CCDC102B: variants seen among roughly 807,000 people sequenced by gnomAD.
CCDC102B encodes coiled-coil domain containing 102B.
A neutral mutation model predicts 57.4 loss-of-function variants in CCDC102B; 75 were observed. The observed-to-expected ratio is 1.31, with a 90% CI of 1.08 to 1.58. CCDC102B has a LOEUF of 1.58. CCDC102B is among the 40% of genes most tolerant of loss of function. CCDC102B has a pLI of 0.00. For synonymous variants in CCDC102B, 206 were observed against 201.9 expected, an observed-to-expected ratio of 1.02 and a Z score of -0.17; for missense variants, 636 against 582.6, an observed-to-expected ratio of 1.09 and a Z score of -0.94.
At chr18:68,808,652 G>C (rs2036129066) in intron 1 of CCDC102B, among the ~76,000 whole-genome samples, 1 of 151,672 alleles carries the variant, frequency 6.6e-6, no homozygotes, top group Non-Finnish European at 1.5e-5. Flanking sequence ...TAATTTTTTT[G>C]TATTTTTAGT....
chr18:68,922,278 G>A (rs2041309176), intron 6 of CCDC102B, among the ~76,000 whole-genome samples: 1 of 152,110 alleles, frequency 6.6e-6, no homozygotes, highest in African/African-American at 2.4e-5. Flanking sequence ...TGTAGATTAT[G>A]GGTTGTTAAT....
intron 1 of CCDC102B, among the ~76,000 whole-genome samples, chr18:68,816,593 G>A (rs1227663735): frequency 1.3e-5 from 2 of 151,318 alleles, no homozygotes; most frequent in Non-Finnish European, 2.9e-5. Context: ...AGCCTCCTGA[G>A]TAGCTGGGAC....
chr18:68,775,065 G>T, intron 2 of CCDC102B, among the ~76,000 whole-genome samples: 1 of 148,982 alleles, frequency 6.7e-6, no homozygotes, highest in South Asian at 2.1e-4. Context: ...TTGTATTCTA[G>T]ACATCACTTT....
intron 1 of CCDC102B, among the ~76,000 whole-genome samples, chr18:68,827,567 CAAA>C (rs1420427544): frequency 6.6e-6 from 1 of 151,698 alleles, no homozygotes. Context: ...AGCAAGAAAG[CAAA>C]AGAAGAAATG....
At chr18:68,888,064 A>G (rs1719226266) in intron 5 of CCDC102B, among the ~76,000 whole-genome samples, 1 of 151,830 alleles carries the variant, frequency 6.6e-6, no homozygotes. Context: ...TTGAAATAGT[A>G]TACTTACAAC....
intron 4 of CCDC102B, chr18:68,866,728 C>T: frequency 1.8e-6 from 1 of 562,674 alleles, no homozygotes; most frequent in Non-Finnish European, 3.5e-6. Flanking sequence ...GTCCATTTGC[C>T]ACCGTGGGTC....
chr18:68,816,121 A>G (rs1018097184), intron 1 of CCDC102B, among the ~76,000 whole-genome samples: 10 of 152,214 alleles, frequency 6.6e-5, no homozygotes, highest in African/African-American at 2.2e-4. Context: ...GATTCTTGTG[A>G]TAATACCCTC....
At chr18:68,761,976 T>C (rs961792717) in intron 2 of CCDC102B, among the ~76,000 whole-genome samples, 3 of 152,162 alleles carry the variant, frequency 2.0e-5, no homozygotes, top group Non-Finnish European at 4.4e-5. Flanking sequence ...TTGTAAGTAA[T>C]TCCGGTCTGT....
intron 2 of CCDC102B, among the ~76,000 whole-genome samples, chr18:68,748,205 G>GGTATGTGTGT (rs530957083): frequency 0.023 from 3,141 of 137,528 alleles, 152 homozygotes; most frequent in South Asian, 0.057. Context: ...TTATTAAACT[G>GGTATGTGTGT]GTGTGTGTGT....
chr18:68,876,815 T>G (rs1239259411), intron 5 of CCDC102B, among the ~76,000 whole-genome samples: 1 of 152,000 alleles, frequency 6.6e-6, no homozygotes, highest in African/African-American at 2.4e-5. Flanking sequence ...TGGAGAAAAA[T>G]AACAGTCTGG....
chr18:68,957,065 C>G (rs2049920285), intron 6 of CCDC102B, among the ~76,000 whole-genome samples: 1 of 151,874 alleles, frequency 6.6e-6, no homozygotes, highest in African/African-American at 2.4e-5. Flanking sequence ...AATATTTTCT[C>G]TTATTCTCTA....
chr18:68,820,654 C>G lies in CCDC102B; in HGVS notation c.-15-16095C>G, dbSNP rs1414576275. ...TCTTTTTGAATTCTTCATAAATAAT[C>G]TTTGCTAGATTATTTTCTTTTAAAT... On this transcript the variant is annotated intron_variant, in intron 1 of 7. Coordinates refer to ENST00000360242, the MANE Select transcript of CCDC102B (RefSeq NM_024781.3). 2.0e-5 allele frequency among the ~76,000 whole-genome samples: 3 copies of G among 152,144 alleles called. No homozygotes were observed. In the East Asian group the frequency reaches 5.8e-4, roughly 29 times the overall value.
In CCDC102B at chr18:68,808,563, T is replaced by C. The variant is rs548374353; in HGVS notation, c.-16+10382T>C. On this transcript the variant is annotated intron_variant, in intron 1 of 7. Transcript: ENST00000360242. ...CGCTATCTCCGCTCACTGCAAGCTC[T>C]GCCTCCTGGGTTCACGCCATTCTCC... 4.4e-4 allele frequency among the ~76,000 whole-genome samples: 66 copies of C among 148,510 alleles called. No individual in the cohort carries two copies. The East Asian group carries it at 6.3e-3, about 14-fold the overall frequency.
At chr18:68,966,192 T>C (rs957281365) in intron 6 of CCDC102B, among the ~76,000 whole-genome samples, 8 of 152,162 alleles carry the variant, frequency 5.3e-5, no homozygotes, top group African/African-American at 1.7e-4. Context: ...TAGTGACCCA[T>C]CTTCAAGTTT....
At chr18:68,810,426 C>A (rs1259252228) in intron 1 of CCDC102B, among the ~76,000 whole-genome samples, 1 of 152,102 alleles carries the variant, frequency 6.6e-6, no homozygotes, top group Non-Finnish European at 1.5e-5. Flanking sequence ...GGAAATACAA[C>A]AATAACCCAA....
At chr18:69,035,358 A>G (rs1248970527) in intron 7 of CCDC102B, among the ~76,000 whole-genome samples, 1 of 152,058 alleles carries the variant, frequency 6.6e-6, no homozygotes, top group Non-Finnish European at 1.5e-5. Context: ...GTGAAATTCA[A>G]TGGTTTTTGT....
At chr18:68,919,912 G>A (rs1408338155) in intron 6 of CCDC102B, among the ~76,000 whole-genome samples, 1 of 151,990 alleles carries the variant, frequency 6.6e-6, no homozygotes, top group Non-Finnish European at 1.5e-5. Flanking sequence ...CAAAATTTTA[G>A]TTCAGTTTTA....
chr18:68,836,370 C>G (rs916953374), intron 1 of CCDC102B, among the ~76,000 whole-genome samples: 2 of 152,140 alleles, frequency 1.3e-5, no homozygotes, highest in African/African-American at 2.4e-5. Flanking sequence ...TGGCTCACGC[C>G]TGTAATCCCA....
chr18:68,852,291 G>A (rs2212735), intron 4 of CCDC102B, among the ~76,000 whole-genome samples: 49,943 of 151,922 alleles, frequency 0.33, 9,454 homozygotes, highest in East Asian at 0.66. Flanking sequence ...CAGTGAAACA[G>A]CTATGTGTGC....
Sources: allele counts gnomAD v4.1 joint callset (sites outside exome capture counted in the v4.1 genomes callset), GRCh38; gene constraint gnomAD v4.1.1; transcripts MANE v1.5; gene names NCBI Gene and HGNC (gene_info 2026-07-23, HGNC 2026-07-21).